Variants in PPHLN1 observed in about 807,000 individuals in gnomAD.
PPHLN1 encodes periphilin-1.
PPHLN1 carries 29 observed loss-of-function variants against 51.3 expected under a neutral mutation model. That is an observed-to-expected ratio of 0.57 (90% confidence interval 0.42 to 0.77). The LOEUF (loss-of-function observed/expected upper bound fraction) is 0.77. Among genes scored for constraint, PPHLN1 ranks in the 30% least tolerant of loss-of-function variants. The pLI, the probability that PPHLN1 is intolerant of heterozygous loss-of-function variation, is 0.00. For missense variants in PPHLN1, 436 were observed against 438.4 expected (o/e 0.99, Z 0.05); for synonymous variants, 147 against 147.8 (o/e 0.99, Z 0.04).
intron 9 of PPHLN1, among the ~76,000 whole-genome samples, chr12:42,434,762 C>A (rs1324905678): frequency 6.6e-6 from 1 of 152,216 alleles, no homozygotes; most frequent in East Asian, 1.9e-4. Context: ...GGCGCGATCT[C>A]AGCTCACTGC....
Position 42,434,075 on chromosome 12 carries a change from C to T in PPHLN1, c.910-7240C>T, listed in dbSNP as rs557755924. 3.3e-5 allele frequency among the ~76,000 whole-genome samples: 5 copies of T among 152,324 alleles called. No homozygotes were observed. The East Asian group carries it at 9.6e-4, about 29-fold the overall frequency. On this transcript the variant is annotated intron_variant, in intron 9 of 9. Transcript: ENST00000358314. ...CAGCTCCATACCTGTTCCCCCATAC[C>T]TTGCCCTACATATCTCTTCTATCTG...
At chr12:42,399,091 C>G in intron 9 of PPHLN1, 97 bp downstream of exon 9, 1 of 1,498,848 alleles carries the variant, frequency 6.7e-7, no homozygotes, top group Non-Finnish European at 8.9e-7. Flanking sequence ...TCTTTTTCCA[C>G]CTGTAACTCT....
chr12:42,339,865 T>TCTG (rs1555179644), intron 2 of PPHLN1, among the ~76,000 whole-genome samples: 2 of 152,120 alleles, frequency 1.3e-5, no homozygotes, highest in Non-Finnish European at 1.5e-5. Flanking sequence ...CACAGATACA[T>TCTG]CTGCTGTTGT....
chr12:42,386,211 A>G (rs928775153), intron 6 of PPHLN1, among the ~76,000 whole-genome samples: 15 of 152,242 alleles, frequency 9.9e-5, no homozygotes, highest in Admixed American at 9.8e-4. Flanking sequence ...GACATTTGCC[A>G]GCATCCCTGT....
At chr12:42,360,075 C>T (rs112120503) in intron 4 of PPHLN1, among the ~76,000 whole-genome samples, 1,640 of 143,358 alleles carry the variant, frequency 0.011, 30 homozygotes, top group African/African-American at 0.04. Context: ...CCATTGCACT[C>T]CATCCAGCCT....
Position 42,374,983 on chromosome 12 carries a change from TCC to T in PPHLN1, c.421_422del (p.Pro141ThrfsTer10). The part of the protein sequence containing the change: ...RESPVGRKDS[P>X]HSRSGSSVSS... Reference sequence around the variant, plus strand: ...AATCACCTGTTGGCCGAAAGGATTCTCCACACAGCAGATCTGGTTCCAGTGTC... The same window carrying T: ...AATCACCTGTTGGCCGAAAGGATTCTACACAGCAGATCTGGTTCCAGTGTC... On this transcript the variant is annotated frameshift_variant, in exon 5 of 10. Transcript: ENST00000358314. LOFTEE classifies it high-confidence loss of function. 1 of 1,614,048 alleles carries T rather than the reference TCC, an allele frequency of 6.2e-7. No homozygotes were observed. The highest frequency in any genetic ancestry group is 1.1e-5 in the South Asian group (1 of 91,080).
At chr12:42,351,171 T>C (rs2073302418) in intron 2 of PPHLN1, among the ~76,000 whole-genome samples, 2 of 152,190 alleles carry the variant, frequency 1.3e-5, no homozygotes, top group South Asian at 4.1e-4. Flanking sequence ...CAGATATATG[T>C]TCTGTAGCTC....
At chr12:42,373,288 G>A (rs2075968014) in intron 4 of PPHLN1, among the ~76,000 whole-genome samples, 1 of 151,248 alleles carries the variant, frequency 6.6e-6, no homozygotes. Flanking sequence ...TAGTTTTAGT[G>A]ACTAAACTAG....
intron 2 of PPHLN1, 76 bp downstream of exon 2, chr12:42,336,050 T>C: frequency 1.1e-6 from 1 of 916,466 alleles, no homozygotes; most frequent in South Asian, 2.8e-5. Flanking sequence ...GCTAGGCCTA[T>C]TAACAAAATC....
intron 2 of PPHLN1, among the ~76,000 whole-genome samples, chr12:42,347,449 A>G (rs956106644): frequency 6.6e-6 from 1 of 152,218 alleles, no homozygotes; most frequent in African/African-American, 2.4e-5. Context: ...CTGGCAATGC[A>G]GGTAATAAAA....
chr12:42,368,849 A>G (rs2075531855), intron 4 of PPHLN1, among the ~76,000 whole-genome samples: 1 of 152,212 alleles, frequency 6.6e-6, no homozygotes, highest in Non-Finnish European at 1.5e-5. Context: ...ATTTTAAGAT[A>G]TTGGTAAAAG....
chr12:42,371,659 G>T (rs1020009918), intron 4 of PPHLN1, among the ~76,000 whole-genome samples: 2 of 152,132 alleles, frequency 1.3e-5, no homozygotes, highest in Admixed American at 1.3e-4. Context: ...CTAACCGCAT[G>T]TACCTTTTGA....
At chr12:42,397,523 T>A (rs976458734) in intron 8 of PPHLN1, among the ~76,000 whole-genome samples, 2 of 152,112 alleles carry the variant, frequency 1.3e-5, no homozygotes, top group Non-Finnish European at 2.9e-5. Context: ...GTACTTTCTT[T>A]GCTCACCAGT....
In PPHLN1 at chr12:42,374,607, ATTTTTT is replaced by A. The variant is rs35683626; in HGVS notation, c.300-241_300-236del. 1,169 of 160,302 alleles carry A rather than the reference ATTTTTT, an allele frequency of 7.3e-3. 9 individuals are homozygous for A. The highest frequency in any genetic ancestry group is 0.031 in the African/African-American group (1,056 of 33,782). 9.9% of individuals were successfully genotyped at this position (160,302 alleles called of 1,614,324 possible). On this transcript the variant is annotated intron_variant, in intron 4 of 9. Transcript: ENST00000358314. ...AGGCACCTGCCACCACGCCCAGCTAATTTTTTTTTTTTTTTTTTTTGTATTTTTAGT... is the reference window on the plus strand; with the variant it reads ...AGGCACCTGCCACCACGCCCAGCTAATTTTTTTTTTTTTTGTATTTTTAGT...
chr12:42,438,172 T>C (rs919845823), intron 9 of PPHLN1, among the ~76,000 whole-genome samples: 4 of 152,220 alleles, frequency 2.6e-5, no homozygotes, highest in African/African-American at 4.8e-5. Context: ...TTTCAACTTA[T>C]TTGGATAAAT....
At chr12:42,338,396 G>T (rs2071008175) in intron 2 of PPHLN1, among the ~76,000 whole-genome samples, 1 of 152,174 alleles carries the variant, frequency 6.6e-6, no homozygotes, top group South Asian at 2.1e-4. Flanking sequence ...GTGGATCCAG[G>T]GGATAAGGAT....
intron 4 of PPHLN1, among the ~76,000 whole-genome samples, chr12:42,356,333 C>T (rs950534752): frequency 4.6e-5 from 7 of 152,162 alleles, no homozygotes; most frequent in Admixed American, 4.6e-4. Flanking sequence ...TCCCACAGGG[C>T]GATGTGATAG....
chr12:42,407,782 T>TAAATAATTGCTATGTAAATAATTGTAC, intron 9 of PPHLN1, among the ~76,000 whole-genome samples: 1 of 152,370 alleles, frequency 6.6e-6, no homozygotes, highest in Non-Finnish European at 1.5e-5. Context: ...AATAATTGTT[T>TAAATAATTGCTATGTAAATAATTGTAC]GTAAATAATT....
At chr12:42,429,163 A>G (rs2081799607) in intron 9 of PPHLN1, among the ~76,000 whole-genome samples, 2 of 152,056 alleles carry the variant, frequency 1.3e-5, no homozygotes, top group South Asian at 4.1e-4. Context: ...GCCTTTTTAT[A>G]TGTTTTGCAT....
Sources: allele counts gnomAD v4.1 joint callset (sites outside exome capture counted in the v4.1 genomes callset), GRCh38; gene constraint gnomAD v4.1.1; transcripts MANE v1.5; gene names NCBI Gene and HGNC (gene_info 2026-07-23, HGNC 2026-07-21).